The following TPCN1 variants were observed in gnomAD, a reference collection of about 807,000 sequenced individuals.
The protein encoded by TPCN1 is two pore channel protein 1.
TPCN1 carries 52 observed loss-of-function variants against 108.8 expected under a neutral mutation model. The ratio of observed to expected loss-of-function variants is 0.48; its 90% CI spans 0.38 to 0.60. The LOEUF (loss-of-function observed/expected upper bound fraction) is 0.60. Among genes scored for constraint, TPCN1 ranks in the 20% least tolerant of loss-of-function variants. The probability of loss-of-function intolerance (pLI) is 0.00; values close to 1 mark genes in which losing one functional copy is unlikely to be tolerated. For synonymous variants in TPCN1, 446 were observed against 433.7 expected (o/e 1.03, Z -0.35); for missense variants, 806 against 1,072.8 (o/e 0.75, Z 3.47).
Position 113,276,931 on chromosome 12 carries a change from G to A in TPCN1, c.955G>A (p.Val319Met). The A allele has an allele frequency of 6.2e-7, 1 of 1,613,394 alleles. No homozygotes were observed. The highest frequency in any genetic ancestry group is 8.5e-7 in the Non-Finnish European group (1 of 1,179,598). The change falls in exon 11 of 28, where the codon GTG becomes ATG. Residue 319 changes from valine (V) to methionine (M), a missense_variant. Transcript: ENST00000335509. ...TTCTCTCCCACAGCTTCTGGCTGTGGTGTTCGACACCTTCAATGACATTGA... is the reference window on the plus strand; with the variant it reads ...TTCTCTCCCACAGCTTCTGGCTGTGATGTTCGACACCTTCAATGACATTGA... ...YFIMNLLLAV[V>M]FDTFNDIEKR...
At chr12:113,292,257 C>T (rs946053826) in intron 25 of TPCN1, 2 of 391,380 alleles carry the variant, frequency 5.1e-6, no homozygotes, top group Non-Finnish European at 9.3e-6. Context: ...CTTTCCCTCC[C>T]GTCCTCCAGA....
chr12:113,224,642 C>T (rs1192534450), intron 1 of TPCN1, among the ~76,000 whole-genome samples: 3 of 152,122 alleles, frequency 2.0e-5, no homozygotes, highest in Non-Finnish European at 4.4e-5. Context: ...GTGATCCGCC[C>T]GCCTCGGCCT....
intron 2 of TPCN1, among the ~76,000 whole-genome samples, chr12:113,227,193 C>T (rs11066519): frequency 0.018 from 2,707 of 152,280 alleles, 98 homozygotes; most frequent in African/African-American, 0.061. Flanking sequence ...TTGGTGCCCT[C>T]GCTACCTTCT....
chr12:113,281,081 AT>A (rs1955872566), intron 15 of TPCN1, among the ~76,000 whole-genome samples: 1 of 151,966 alleles, frequency 6.6e-6, no homozygotes, highest in Non-Finnish European at 1.5e-5. Context: ...ACAGAGTCTC[AT>A]TCTGTCGCCC....
At chr12:113,226,328 T>C (rs1673626809) in intron 1 of TPCN1, among the ~76,000 whole-genome samples, 1 of 152,218 alleles carries the variant, frequency 6.6e-6, no homozygotes, top group Non-Finnish European at 1.5e-5. Flanking sequence ...TCACTTAAGC[T>C]GGAGTGCAGT....
intron 15 of TPCN1, among the ~76,000 whole-genome samples, chr12:113,281,141 A>G (rs951549241): frequency 6.6e-6 from 1 of 151,964 alleles, no homozygotes; most frequent in Non-Finnish European, 1.5e-5. Flanking sequence ...CCAGGTTCTA[A>G]GTGATTCTCC....
At chr12:113,222,419 A>G (rs1171381151) in intron 1 of TPCN1, among the ~76,000 whole-genome samples, 1 of 152,160 alleles carries the variant, frequency 6.6e-6, no homozygotes, top group Non-Finnish European at 1.5e-5. Context: ...GAGCCACATA[A>G]TTCTGTTTCG....
intron 15 of TPCN1, among the ~76,000 whole-genome samples, chr12:113,281,912 CT>C (rs1161003553): frequency 0.023 from 2,726 of 119,636 alleles, 45 homozygotes; most frequent in African/African-American, 0.077. Context: ...ATTTGGATTT[CT>C]TTTTTTTTTT....
intron 3 of TPCN1, among the ~76,000 whole-genome samples, chr12:113,265,821 G>T (rs1955238929): frequency 6.6e-6 from 1 of 152,108 alleles, no homozygotes; most frequent in Admixed American, 6.5e-5. Flanking sequence ...TTAAGAGATG[G>T]TGTCTTGCTG....
chr12:113,263,679 T>G (rs1955132990), intron 3 of TPCN1, among the ~76,000 whole-genome samples: 1 of 152,190 alleles, frequency 6.6e-6, no homozygotes, highest in Admixed American at 6.5e-5. Flanking sequence ...GCCTGCAGTT[T>G]CCCCTCTTCC....
At chr12:113,246,720 G>A (rs569016809) in intron 2 of TPCN1, among the ~76,000 whole-genome samples, 19 of 152,194 alleles carry the variant, frequency 1.2e-4, no homozygotes, top group African/African-American at 3.1e-4. Context: ...CCCCTGCGAC[G>A]TGCCCCAGTT....
At chr12:113,267,498 A>G (rs1467356680) in intron 4 of TPCN1, among the ~76,000 whole-genome samples, 2 of 151,692 alleles carry the variant, frequency 1.3e-5, no homozygotes, top group African/African-American at 4.9e-5. Flanking sequence ...TCCTGTGCTC[A>G]AGCGATTCTC....
chr12:113,249,244 C>G (rs955924865), intron 2 of TPCN1, among the ~76,000 whole-genome samples: 1 of 152,226 alleles, frequency 6.6e-6, no homozygotes, highest in African/African-American at 2.4e-5. Flanking sequence ...GCCACGTGTT[C>G]TCTTTGATTT....
intron 2 of TPCN1, among the ~76,000 whole-genome samples, chr12:113,235,673 A>G (rs1263035581): frequency 6.6e-6 from 1 of 152,156 alleles, no homozygotes; most frequent in Non-Finnish European, 1.5e-5. Context: ...AAGTATAGTT[A>G]CAGCTTGGTC....
chr12:113,258,873 A>G (rs2136566901), intron 2 of TPCN1, among the ~76,000 whole-genome samples: 1 of 152,270 alleles, frequency 6.6e-6, no homozygotes, highest in Middle Eastern at 3.4e-3. Context: ...ACCTTTTGCA[A>G]CCCAGCAGGC....
intron 15 of TPCN1, among the ~76,000 whole-genome samples, chr12:113,280,906 C>T (rs1218030595): frequency 6.6e-6 from 1 of 152,130 alleles, no homozygotes; most frequent in Non-Finnish European, 1.5e-5. Context: ...TAGGCCTTTC[C>T]ATGGACAGAA....
intron 2 of TPCN1, among the ~76,000 whole-genome samples, chr12:113,245,024 G>A (rs1260391291): frequency 6.6e-6 from 1 of 152,198 alleles, no homozygotes; most frequent in African/African-American, 2.4e-5. Flanking sequence ...AACACTTTGA[G>A]AGGCTGAGCT....
Position 113,284,872 on chromosome 12 carries a change from G to A in TPCN1, c.1453+101G>A. 1 of 1,315,686 alleles carries A rather than the reference G, an allele frequency of 7.6e-7. No homozygotes were observed. Among genetic ancestry groups the A allele is most frequent in the Non-Finnish European group, 1.1e-6 (1 of 914,598 alleles). 81.5% of individuals were successfully genotyped at this position (1,315,686 alleles called of 1,614,324 possible). ...TCATGGTTCTTCTCTAAAACAGGAA[G>A]CTATAAAGAGACGGAGTAATCAGTC... is the stretch of plus-strand genomic sequence containing the variant. On this transcript the variant is annotated intron_variant, in intron 17 of 27. Transcript: ENST00000335509. The surrounding 1 kb of genome is among the most constrained non-coding windows in gnomAD (Gnocchi z 4.1).
At chr12:113,244,480 C>T (rs938334258) in intron 2 of TPCN1, 1 of 985,422 alleles carries the variant, frequency 1.0e-6, no homozygotes, top group African/African-American at 1.7e-5. Context: ...AAGGCCTGAG[C>T]AGGGGGATGT....
Sources: gnomAD v4.1 joint callset for allele counts (sites outside exome capture counted in the v4.1 genomes callset) on GRCh38, gnomAD v4.1.1 for gene constraint, Gnocchi (gnomAD v3.1) non-coding constraint, MANE v1.5 for transcripts, NCBI Gene and HGNC (gene_info 2026-07-23, HGNC 2026-07-21) for gene names.